The following RNF41 variants were observed in gnomAD, a reference collection of about 807,000 sequenced individuals.
RNF41 encodes the protein E3 ubiquitin-protein ligase NRDP1.
Under a neutral mutation model 33.0 loss-of-function variants are expected in RNF41, and 4 were observed. The observed-to-expected ratio is 0.12, with a 90% CI of 0.06 to 0.28. The LOEUF (loss-of-function observed/expected upper bound fraction) is 0.28, where lower values mean the gene tolerates loss of function less well. Among genes scored for constraint, RNF41 ranks in the 10% least tolerant of loss-of-function variants. The pLI, the probability that RNF41 is intolerant of heterozygous loss-of-function variation, is 1.00. For synonymous variants in RNF41, 164 were observed against 153.2 expected (o/e 1.07, Z -0.52); for missense variants, 228 against 432.6 (o/e 0.53, Z 4.19).
intron 3 of RNF41, chr12:56,213,002 A>C: frequency 7.8e-7 from 1 of 1,289,778 alleles, no homozygotes; most frequent in Non-Finnish European, 1.0e-6. Context: ...TTGCCTGGTA[A>C]TCGTGAGCTT....
chr12:56,217,780 C>T (rs1003853840), intron 1 of RNF41, among the ~76,000 whole-genome samples: 9 of 152,038 alleles, frequency 5.9e-5, no homozygotes, highest in African/African-American at 2.2e-4. Context: ...CTATTGTGAA[C>T]TGCCCATGCG....
At chr12:56,218,894 G>C (rs1273237038) in intron 1 of RNF41, among the ~76,000 whole-genome samples, 3 of 150,258 alleles carry the variant, frequency 2.0e-5, no homozygotes, top group African/African-American at 7.3e-5. Flanking sequence ...AGTAGAGACG[G>C]GGTTTCACCA....
In RNF41 at chr12:56,202,463, T is replaced by C. The variant is rs1236395889; in HGVS notation, c.*3984A>G. 3 of 152,216 alleles carry C rather than the reference T, an allele frequency of 2.0e-5. No homozygotes were observed. The highest frequency in any genetic ancestry group is 4.4e-5 in the Non-Finnish European group (3 of 68,044). 9.4% of individuals were successfully genotyped at this position (152,216 alleles called of 1,614,324 possible). Reference sequence around the variant, plus strand: ...GTATTTTAGGCTTTGTTCCAGCTACTTAACCCTGCTGTTGTAATGTGAAAG... The same window carrying C: ...GTATTTTAGGCTTTGTTCCAGCTACCTAACCCTGCTGTTGTAATGTGAAAG... On this transcript the variant is annotated 3_prime_UTR_variant, in exon 7 of 7. Coordinates refer to ENST00000345093, the MANE Select transcript of RNF41 (RefSeq NM_005785.4).
intron 3 of RNF41, chr12:56,212,999 G>C (rs541041359): frequency 1.6e-6 from 2 of 1,289,578 alleles, no homozygotes; most frequent in Non-Finnish European, 2.0e-6. Flanking sequence ...TACTTGCCTG[G>C]TAATCGTGAG....
chr12:56,203,702 C>CTA lies in RNF41; in HGVS notation c.*2744_*2745insTA, dbSNP rs1387558577. 3,182 of 27,412 alleles carry CTA rather than the reference C, an allele frequency of 0.12. 317 individuals are homozygous for CTA. The highest frequency in any genetic ancestry group is 0.26 in the Non-Finnish European group (2,274 of 8,702). The allele number at this position is 27,412 out of a possible 1,614,324, so 1.7% of individuals were successfully genotyped here. A position where few individuals can be genotyped will look rare whatever the true frequency, so the allele number is the denominator to read the frequency against. ...AGCCACCGTGCCCGGCCTATGAAGA[C>CTA]TTTTTTTTTTTTTTTTTTTTTTAGA... On this transcript the variant is annotated 3_prime_UTR_variant, in exon 7 of 7. Transcript: ENST00000345093.
At chr12:56,221,602 T>G (rs1032517803) in intron 1 of RNF41, 158 bp downstream of exon 1, 8 of 152,624 alleles carry the variant, frequency 5.2e-5, no homozygotes, top group African/African-American at 1.9e-4. Flanking sequence ...TCCCGACTCC[T>G]CGCCAGTGCT....
At position 56,206,923 on chromosome 12, in the gene RNF41, A is replaced by G; in HGVS notation, c.603-125T>C. On this transcript the variant is annotated intron_variant, in intron 6 of 6. Transcript: ENST00000345093. The surrounding 1 kb of genome is among the most constrained non-coding windows in gnomAD (Gnocchi z 5.7). ...TACCTATTCTTCCTTCTTTCCTTCC[A>G]TCATTGGCTCAGAAACCCCAAATCT... 3 of 938,840 alleles carry G rather than the reference A, an allele frequency of 3.2e-6. No homozygotes were observed. Among genetic ancestry groups the G allele is most frequent in the Non-Finnish European group, 4.7e-6 (3 of 644,204 alleles). The allele number at this position is 938,840 out of a possible 1,614,324, so 58.2% of individuals were successfully genotyped here. A position where few individuals can be genotyped will look rare whatever the true frequency, so the allele number is the denominator to read the frequency against.
At chr12:56,211,838 G>A (rs1345397786) in intron 3 of RNF41, among the ~76,000 whole-genome samples, 1 of 152,128 alleles carries the variant, frequency 6.6e-6, no homozygotes, top group Non-Finnish European at 1.5e-5. Flanking sequence ...CGGGCGTGGT[G>A]GCGGGTGCCT....
rs1048178304 is a variant in RNF41, at chr12:56,203,873, T to C, written c.*2574A>G. 1.3e-5 allele frequency: 2 copies of C among 148,634 alleles called. No individual in the cohort carries two copies. Among genetic ancestry groups the C allele is most frequent in the Non-Finnish European group, 3.0e-5 (2 of 67,252 alleles). The allele number at this position is 148,634 out of a possible 1,614,324, so 9.2% of individuals were successfully genotyped here. ...GGTGCCTGCCACCACGCCCGGCTAA[T>C]TTTTTGTATTTTTAGTAGAGACGGG... On this transcript the variant is annotated 3_prime_UTR_variant, in exon 7 of 7. Coordinates refer to ENST00000345093, the MANE Select transcript of RNF41 (RefSeq NM_005785.4).
At chr12:56,217,350 G>A (rs895865372) in intron 1 of RNF41, among the ~76,000 whole-genome samples, 27 of 151,968 alleles carry the variant, frequency 1.8e-4, no homozygotes, top group African/African-American at 6.0e-4. Flanking sequence ...AGTCGGAGAT[G>A]AGCCTGGCCA....
intron 1 of RNF41, among the ~76,000 whole-genome samples, chr12:56,217,073 C>CGG (rs1868955636): frequency 6.6e-6 from 1 of 150,380 alleles, no homozygotes; most frequent in Non-Finnish European, 1.5e-5. Context: ...CTAGGAGCTG[C>CGG]AGCTTGCAGT....
In RNF41 at chr12:56,216,476, CCT is replaced by C. The variant is rs1868902637; in HGVS notation, c.-73_-72del. 1 of 152,196 alleles carries C rather than the reference CCT, an allele frequency of 6.6e-6. No homozygotes were observed. Among genetic ancestry groups the C allele is most frequent in the Admixed American group, 6.6e-5 (1 of 15,264 alleles). 9.4% of individuals were successfully genotyped at this position (152,196 alleles called of 1,614,324 possible). A position where few individuals can be genotyped will look rare whatever the true frequency, so the allele number is the denominator to read the frequency against. ...TTCCCTGTTCACAAGGCTCCAACCCCCTGATGCCTCCACTCAGTGCCACTGAA... is the reference window on the plus strand; with the variant it reads ...TTCCCTGTTCACAAGGCTCCAACCCCGATGCCTCCACTCAGTGCCACTGAA... On this transcript the variant is annotated 5_prime_UTR_variant, in exon 2 of 7. An upstream open reading frame in the 5' UTR loses its in-frame stop. Transcript: ENST00000345093.
At chr12:56,210,806 T>C (rs1440016135) in intron 3 of RNF41, among the ~76,000 whole-genome samples, 2 of 152,116 alleles carry the variant, frequency 1.3e-5, no homozygotes, top group East Asian at 3.9e-4. Flanking sequence ...TTTGGGAGGC[T>C]AAGGCAGGCA....
At chr12:56,209,035 T>C (rs1207656849) in intron 4 of RNF41, among the ~76,000 whole-genome samples, 3 of 151,030 alleles carry the variant, frequency 2.0e-5, no homozygotes, top group Non-Finnish European at 4.4e-5. Flanking sequence ...TGGCTAATTT[T>C]TATATTTTTA....
Position 56,221,871 on chromosome 12 carries a change from G to C in RNF41, c.-320C>G, listed in dbSNP as rs1869489589. 6.6e-6 allele frequency: 1 copy of C among 152,508 alleles called. No individual in the cohort carries two copies. The allele number at this position is 152,508 out of a possible 1,614,324, so 9.4% of individuals were successfully genotyped here. A position where few individuals can be genotyped will look rare whatever the true frequency, so the allele number is the denominator to read the frequency against. The stretch of plus-strand genomic sequence containing the variant: ...CCCAGCCTCTCCCGGGAAGGGAAGG[G>C]AAAGGGGAAGGAGGGGAAAGAAGAC... On this transcript the variant is annotated 5_prime_UTR_variant, in exon 1 of 7. Transcript: ENST00000345093.
At chr12:56,210,697 C>T (rs1868412672) in intron 3 of RNF41, 129 bp from the exon 4 acceptor site, 1 of 859,462 alleles carries the variant, frequency 1.2e-6, no homozygotes, top group African/African-American at 1.7e-5. Context: ...CACTGGGTCA[C>T]AGCAAAGTAT....
chr12:56,214,576 C>G (rs367774320), intron 2 of RNF41, among the ~76,000 whole-genome samples: 1 of 151,514 alleles, frequency 6.6e-6, no homozygotes, highest in African/African-American at 2.4e-5. Context: ...CGCCTGTAAT[C>G]CCAGCACTTT....
Position 56,214,089 on chromosome 12 carries a change from A to T in RNF41, c.-23-19T>A, listed in dbSNP as rs1237921580. ...CCAGGTCCTGAAAGGACAACAGGAA[A>T]AAGAGGCCAGTTCAGAAGAAGCCTA... On this transcript the variant is annotated intron_variant, in intron 2 of 6. Transcript: ENST00000345093. The T allele has an allele frequency of 2.3e-6, 3 of 1,332,942 alleles. No individual in the cohort carries two copies. The highest frequency in any genetic ancestry group is 3.2e-6 in the Non-Finnish European group (3 of 923,464). The allele number at this position is 1,332,942 out of a possible 1,614,324, so 82.6% of individuals were successfully genotyped here.
chr12:56,213,038 ACAACTG>A, intron 3 of RNF41: 1 of 1,289,780 alleles, frequency 7.8e-7, no homozygotes, highest in Non-Finnish European at 1.0e-6. Flanking sequence ...CCAGGATGAT[ACAACTG>A]ACTCTGGTCT....
Sources: allele counts gnomAD v4.1 joint callset (sites outside exome capture counted in the v4.1 genomes callset), GRCh38; gene constraint gnomAD v4.1.1; non-coding constraint Gnocchi (gnomAD v3.1); transcripts MANE v1.5; gene names NCBI Gene and HGNC (gene_info 2026-07-23, HGNC 2026-07-21).